MYO1A: variants seen among roughly 807,000 people sequenced by gnomAD.
MYO1A encodes unconventional myosin-Ia.
In MYO1A, 127 loss-of-function variants were observed where a neutral mutation model predicts 138.5. The observed-to-expected ratio is 0.92, with a 90% CI of 0.79 to 1.06. The LOEUF (loss-of-function observed/expected upper bound fraction) is 1.06, where lower values mean the gene tolerates loss of function less well. MYO1A is among the 50% of genes least tolerant of loss of function. The pLI, the probability that MYO1A is intolerant of heterozygous loss-of-function variation, is 0.00. For missense variants in MYO1A, 1,211 were observed against 1,288.8 expected (o/e 0.94, Z 0.92); for synonymous variants, 477 against 497.5 (o/e 0.96, Z 0.55).
chr12:57,046,938 G>A lies in MYO1A; in HGVS notation c.478-12C>T, dbSNP rs1240599760. On this transcript the variant is annotated splice_polypyrimidine_tract_variant and intron_variant, in intron 6 of 27. Transcript: ENST00000300119. ...TCCATGTATTTTCCCTTCAGAGAGA[G>A]ACCAGAGAGAGAGACTTAGCTTCTT... is the stretch of plus-strand genomic sequence containing the variant. The A allele has an allele frequency of 3.1e-6, 5 of 1,613,692 alleles. No homozygotes were observed. In the East Asian group the frequency reaches 6.7e-5, roughly 22 times the overall value.
At position 57,031,248 on chromosome 12, in the gene MYO1A, C is replaced by A. The variant is rs2030271624; in HGVS notation, c.2350-74G>T. 6.4e-6 allele frequency: 10 copies of A among 1,572,928 alleles called. No individual in the cohort carries two copies. In the East Asian group the frequency reaches 2.2e-4, roughly 35 times the overall value. Reference sequence around the variant, plus strand: ...CTGACAGGCAAACTGGCACCCAGATCCTGCCACTTCAAAGGAGGAAGTTAA... The same window carrying A: ...CTGACAGGCAAACTGGCACCCAGATACTGCCACTTCAAAGGAGGAAGTTAA... On this transcript the variant is annotated intron_variant, in intron 22 of 27. Coordinates refer to ENST00000300119, the MANE Select transcript of MYO1A (RefSeq NM_005379.4).
At chr12:57,037,383 C>T (rs1186412939) in intron 19 of MYO1A, among the ~76,000 whole-genome samples, 165 bp downstream of exon 19, 1 of 152,138 alleles carries the variant, frequency 6.6e-6, no homozygotes, top group Admixed American at 6.5e-5. Flanking sequence ...TGTAGGAACC[C>T]AAGAGTTCAA....
intron 24 of MYO1A, 151 bp downstream of exon 24, chr12:57,030,059 G>A: frequency 8.1e-7 from 1 of 1,232,786 alleles, no homozygotes; most frequent in Non-Finnish European, 1.2e-6. Context: ...GGCAAATTTT[G>A]GTCCTCACCC....
At position 57,047,686 on chromosome 12, in the gene MYO1A, C is replaced by T; in HGVS notation, c.266G>A (p.Arg89Lys). 1.2e-6 allele frequency: 2 copies of T among 1,614,246 alleles called. No homozygotes were observed. Among genetic ancestry groups the T allele is most frequent in the South Asian group, 2.2e-5 (2 of 91,084 alleles). ...ALANVAYQSL[R>K]DRDRDQCILI... ...GATACACTGGTCTCGGTCCCTGTCCCTCAGTGACTGGTACGCCACATTTGC... is the reference window on the plus strand; with the variant it reads ...GATACACTGGTCTCGGTCCCTGTCCTTCAGTGACTGGTACGCCACATTTGC... Residue 89 changes from arginine to lysine, a missense_variant, in exon 4 of 28, where the codon AGG becomes AAG. Transcript: ENST00000300119.
intron 7 of MYO1A, 41 bp downstream of exon 7, chr12:57,046,822 G>T: frequency 6.3e-7 from 1 of 1,598,930 alleles, no homozygotes; most frequent in Non-Finnish European, 8.6e-7. Flanking sequence ...GCCATGGGAG[G>T]CAGGTGGAAG....
intron 8 of MYO1A, among the ~76,000 whole-genome samples, chr12:57,044,872 G>C (rs1327517037): frequency 2.0e-5 from 3 of 152,170 alleles, no homozygotes; most frequent in Non-Finnish European, 4.4e-5. Flanking sequence ...GGACGGTGAA[G>C]GTAAGGGGAG....
Position 57,048,342 on chromosome 12 carries a change from T to C in MYO1A, c.-19A>G, listed in dbSNP as rs749880606. ...GAGGCATGTCCAGAGGGGCCACTGATCCTGGGAATAAGAGGCACAGTTTGC... is the reference window on the plus strand; with the variant it reads ...GAGGCATGTCCAGAGGGGCCACTGACCCTGGGAATAAGAGGCACAGTTTGC... On this transcript the variant is annotated splice_region_variant and 5_prime_UTR_variant, in exon 2 of 28. Transcript: ENST00000300119. 1.2e-5 allele frequency: 19 copies of C among 1,576,978 alleles called. No homozygotes were observed. Among genetic ancestry groups the C allele is most frequent in the Non-Finnish European group, 1.5e-5 (17 of 1,146,630 alleles).
At chr12:57,041,609 T>C (rs2030864375) in intron 12 of MYO1A, 112 bp from the exon 13 acceptor site, 1 of 855,506 alleles carries the variant, frequency 1.2e-6, no homozygotes, top group Non-Finnish European at 2.0e-6. Context: ...AGCAAGAGCT[T>C]TGCCAAACTG....
At chr12:57,047,818 C>T (rs2031178632) in intron 3 of MYO1A, 97 bp from the exon 4 acceptor site, 2 of 1,571,856 alleles carry the variant, frequency 1.3e-6, no homozygotes, top group South Asian at 2.3e-5. Context: ...ACTCTCTCTA[C>T]TTGGAGCAGA....
In MYO1A at chr12:57,036,765, C is replaced by A. The variant is rs180717652; in HGVS notation, c.2274+7G>T. On this transcript the variant is annotated splice_region_variant and intron_variant, in intron 21 of 27. Transcript: ENST00000300119. Reference sequence around the variant, plus strand: ...TGTGAGGAAACCTCTCTTCCACTCTCCATTACCTTCCACCCTCTCACAAAA... The same window carrying A: ...TGTGAGGAAACCTCTCTTCCACTCTACATTACCTTCCACCCTCTCACAAAA... 9.3e-6 allele frequency: 15 copies of A among 1,614,148 alleles called. No individual in the cohort carries two copies. In the Admixed American group the frequency reaches 2.5e-4, roughly 27 times the overall value.
At chr12:57,029,004 G>A in intron 27 of MYO1A, 123 bp from the exon 28 acceptor site, 1 of 1,593,556 alleles carries the variant, frequency 6.3e-7, no homozygotes, top group Non-Finnish European at 8.6e-7. Flanking sequence ...CTGGGTGGGG[G>A]CCTGAGAAAC....
chr12:57,049,573 C>T (rs1214894869), intron 1 of MYO1A, among the ~76,000 whole-genome samples: 3 of 152,190 alleles, frequency 2.0e-5, no homozygotes, highest in Admixed American at 6.5e-5. Context: ...AATCATGCAG[C>T]GTTTACCACG....
chr12:57,046,596 T>C lies in MYO1A; in HGVS notation c.596A>G (p.His199Arg). 1.2e-6 allele frequency: 2 copies of C among 1,614,076 alleles called. No individual in the cohort carries two copies. The highest frequency in any genetic ancestry group is 1.1e-5 in the South Asian group (1 of 91,076). ...TCCAGCCAGCAGCTGATAGAAGATG[T>C]GGAAGTTCCTTTCTCCTTTGAGCTG... is the stretch of plus-strand genomic sequence containing the variant. The part of the protein sequence containing the change: ...VKQLKGERNF[H>R]IFYQLLAGAD... Residue 199 changes from histidine to arginine, a missense_variant, in exon 8 of 28, where the codon CAC becomes CGC. Transcript: ENST00000300119.
Position 57,037,018 on chromosome 12 carries a change from C to A in MYO1A, c.2129G>T (p.Gly710Val). 2.5e-6 allele frequency: 4 copies of A among 1,614,124 alleles called. No individual in the cohort carries two copies. The highest frequency in any genetic ancestry group is 3.4e-6 in the Non-Finnish European group (4 of 1,180,022). The change falls in exon 20 of 28, where the codon GGC (glycine) becomes GTC (valine). Residue 710 changes from glycine to valine, a missense_variant. Transcript: ENST00000300119. ...TTGGTAGTGGGTGCGGCAGCGCCAG[C>A]CTCGGTAAATCTTCTGTATGAGTGT... ...LATLIQKIYR[G>V]WRCRTHYQLM...
At chr12:57,045,498 C>CAACCAGAACAAG (rs1338901257) in intron 8 of MYO1A, among the ~76,000 whole-genome samples, 2 of 152,024 alleles carry the variant, frequency 1.3e-5, no homozygotes, top group African/African-American at 4.8e-5. Context: ...GATGACAGAC[C>CAACCAGAACAAG]AACCAGAACA....
chr12:57,042,440 G>C (rs533311763), intron 12 of MYO1A, among the ~76,000 whole-genome samples: 1 of 152,152 alleles, frequency 6.6e-6, no homozygotes, highest in African/African-American at 2.4e-5. Context: ...TAAGGCTTCT[G>C]TGAACATTTG....
In MYO1A at chr12:57,044,143, T is replaced by C. The variant is rs886043714; in HGVS notation, c.707A>G (p.Asp236Gly). Residue 236 changes from aspartate (D) to glycine (G), a missense_variant, in exon 9 of 28, where the codon GAT becomes GGT. Transcript: ENST00000300119. ...AYLNHEVSRV[D>G]GMDDASSFRA... Reference sequence around the variant, plus strand: ...GAAGCTGGAGGCGTCGTCCATGCCATCCACTCTGGATACTTCATGATTCAG... The same window carrying C: ...GAAGCTGGAGGCGTCGTCCATGCCACCCACTCTGGATACTTCATGATTCAG... The C allele has an allele frequency of 2.5e-6, 4 of 1,614,054 alleles. No individual in the cohort carries two copies. In the Admixed American group the frequency reaches 6.7e-5, roughly 27 times the overall value.
At chr12:57,042,974 C>G (rs1180766178) in intron 12 of MYO1A, 98 bp downstream of exon 12, 7 of 1,157,744 alleles carry the variant, frequency 6.0e-6, no homozygotes, top group Non-Finnish European at 9.1e-6. Context: ...ATCATCCTCC[C>G]TACTCTGCTC....
intron 23 of MYO1A, 73 bp from the exon 24 acceptor site, chr12:57,030,389 T>C (rs1319289619): frequency 4.0e-6 from 5 of 1,260,714 alleles, no homozygotes; most frequent in Admixed American, 3.4e-5. Flanking sequence ...GTGAGAAATA[T>C]TGACTAGAAG....
Sources: allele counts gnomAD v4.1 joint callset (sites outside exome capture counted in the v4.1 genomes callset), GRCh38; gene constraint gnomAD v4.1.1; transcripts MANE v1.5; gene names NCBI Gene and HGNC (gene_info 2026-07-23, HGNC 2026-07-21).